BMP7: variants seen among roughly 807,000 people sequenced by gnomAD.
BMP7 encodes osteogenic protein 1.
A neutral mutation model predicts 41.2 loss-of-function variants in BMP7; 12 were observed. That is an observed-to-expected ratio of 0.29 (90% confidence interval 0.19 to 0.47). The LOEUF (loss-of-function observed/expected upper bound fraction) is 0.47. Among genes scored for constraint, BMP7 ranks in the 20% least tolerant of loss-of-function variants. The probability of loss-of-function intolerance (pLI) is 0.99; values close to 1 mark genes in which losing one functional copy is unlikely to be tolerated. For synonymous variants in BMP7, 248 were observed against 250.0 expected, an observed-to-expected ratio of 0.99 and a Z score of 0.07; for missense variants, 467 against 606.0, an observed-to-expected ratio of 0.77 and a Z score of 2.41.
intron 2 of BMP7, among the ~76,000 whole-genome samples, chr20:57,223,646 T>C (rs1985242978): frequency 6.6e-6 from 1 of 152,102 alleles, no homozygotes; most frequent in Non-Finnish European, 1.5e-5. Context: ...ACCTGTAAAA[T>C]GGGGATGATA....
chr20:57,187,199 G>A (rs995519388), intron 3 of BMP7: 2 of 152,180 alleles, frequency 1.3e-5, no homozygotes, highest in African/African-American at 4.8e-5. Context: ...GAGTCTCAAG[G>A]GTGTTTAAAC....
Position 57,266,162 on chromosome 20 carries a change from GC to G in BMP7, c.-41del. On this transcript the variant is annotated 5_prime_UTR_variant, in exon 1 of 7. Coordinates refer to ENST00000395863, the MANE Select transcript of BMP7 (RefSeq NM_001719.3). ...GCGCTACCCGGGCTCCGGGCTCCGG[GC>G]CCGCACCGCCCCAGGTGGCAGAGGG... 1 of 1,470,744 alleles carries G rather than the reference GC, an allele frequency of 6.8e-7. No homozygotes were observed. The highest frequency in any genetic ancestry group is 8.9e-7 in the Non-Finnish European group (1 of 1,118,582). 91.1% of individuals were successfully genotyped at this position (1,470,744 alleles called of 1,614,324 possible).
At chr20:57,205,318 T>A (rs888347444) in intron 2 of BMP7, among the ~76,000 whole-genome samples, 1 of 152,210 alleles carries the variant, frequency 6.6e-6, no homozygotes, top group African/African-American at 2.4e-5. Flanking sequence ...TCATGACTCA[T>A]TTACTTCTTC....
intron 4 of BMP7, among the ~76,000 whole-genome samples, chr20:57,178,679 C>T (rs984874649): frequency 1.3e-5 from 2 of 152,122 alleles, no homozygotes; most frequent in African/African-American, 2.4e-5. Flanking sequence ...TGCCCCTCCA[C>T]GAGCCTCCTC....
rs1239503431 is a variant in BMP7, at chr20:57,266,588, C to G, written c.-466G>C. ...GATAGCAGGGGCCCCGGGGCGCTCT[C>G]CCAGCCTTGTGCGCCCTGGATCGCA... is the stretch of plus-strand genomic sequence containing the variant. On this transcript the variant is annotated 5_prime_UTR_variant, in exon 1 of 7. Coordinates refer to ENST00000395863, the MANE Select transcript of BMP7 (RefSeq NM_001719.3). 1 of 152,756 alleles carries G rather than the reference C, an allele frequency of 6.5e-6. No individual in the cohort carries two copies. Among genetic ancestry groups the G allele is most frequent in the African/African-American group, 2.4e-5 (1 of 41,490 alleles). 9.5% of individuals were successfully genotyped at this position (152,756 alleles called of 1,614,324 possible).
At chr20:57,236,338 G>A (rs977397833) in intron 1 of BMP7, among the ~76,000 whole-genome samples, 2 of 152,232 alleles carry the variant, frequency 1.3e-5, no homozygotes, top group South Asian at 4.1e-4. Context: ...CGCTCAGGAG[G>A]TGAAGTGGTA....
intron 2 of BMP7, among the ~76,000 whole-genome samples, chr20:57,204,274 T>A (rs998732273): frequency 3.3e-5 from 5 of 152,106 alleles, no homozygotes. Flanking sequence ...AGCCCCCAGC[T>A]CTCCGTACTA....
chr20:57,195,372 G>C (rs1463081612), intron 3 of BMP7, among the ~76,000 whole-genome samples: 1 of 152,188 alleles, frequency 6.6e-6, no homozygotes, highest in Non-Finnish European at 1.5e-5. Flanking sequence ...TTCTCTGGGT[G>C]GACCAAGGCC....
At chr20:57,231,375 C>A (rs1310574132) in intron 1 of BMP7, among the ~76,000 whole-genome samples, 2 of 152,220 alleles carry the variant, frequency 1.3e-5, no homozygotes, top group Non-Finnish European at 2.9e-5. Flanking sequence ...CATCACAGGA[C>A]ACGTGTTTCA....
chr20:57,181,786 C>T (rs913025961), intron 4 of BMP7, among the ~76,000 whole-genome samples: 1 of 152,168 alleles, frequency 6.6e-6, no homozygotes, highest in Admixed American at 6.5e-5. Context: ...GCTTACATGG[C>T]TCCAACCACA....
At chr20:57,265,680 C>G (rs768202871) in intron 1 of BMP7, 25 bp downstream of exon 1, 3 of 1,584,662 alleles carry the variant, frequency 1.9e-6, no homozygotes, top group East Asian at 2.3e-5. Flanking sequence ...AAAGGAGACG[C>G]GTACCCTCGC....
At chr20:57,191,863 C>T (rs1219621745) in intron 3 of BMP7, among the ~76,000 whole-genome samples, 3 of 131,188 alleles carry the variant, frequency 2.3e-5, no homozygotes, top group East Asian at 2.2e-4. Flanking sequence ...ATAAAATATA[C>T]ATATACTATA....
intron 1 of BMP7, among the ~76,000 whole-genome samples, chr20:57,257,044 T>C (rs1218107924): frequency 6.6e-6 from 1 of 152,232 alleles, no homozygotes; most frequent in East Asian, 1.9e-4. Flanking sequence ...TCTTTCCTTC[T>C]GGCACCTTAT....
intron 2 of BMP7, among the ~76,000 whole-genome samples, chr20:57,222,634 G>A (rs1985214399): frequency 6.6e-6 from 1 of 152,080 alleles, no homozygotes; most frequent in Non-Finnish European, 1.5e-5. Context: ...TGACCTTCCA[G>A]GACATCCTGG....
intron 3 of BMP7, among the ~76,000 whole-genome samples, chr20:57,200,211 C>A (rs1984589597): frequency 6.6e-6 from 1 of 152,234 alleles, no homozygotes; most frequent in Admixed American, 6.5e-5. Flanking sequence ...TAATCCCTCA[C>A]AACCGCCCTT....
rs1332140394 is a variant in BMP7 at position 57,213,667 on chromosome 20, CAG to C, written c.612-11046_612-11045del. 2.6e-5 allele frequency among the ~76,000 whole-genome samples: 4 copies of C among 152,168 alleles called. No individual in the cohort carries two copies. Among genetic ancestry groups the C allele is most frequent in the Non-Finnish European group, 5.9e-5 (4 of 68,026 alleles). On this transcript the variant is annotated intron_variant, in intron 2 of 6. Coordinates refer to ENST00000395863, the MANE Select transcript of BMP7 (RefSeq NM_001719.3). The surrounding 1 kb of genome is among the most constrained non-coding windows in gnomAD (Gnocchi z 4.4). ...AGACACAGCCACCAGCAGAGACAATCAGGGGGTGAGAGGCCCGGAATCCTCTT... is the reference window on the plus strand; with the variant it reads ...AGACACAGCCACCAGCAGAGACAATCGGGGTGAGAGGCCCGGAATCCTCTT...
chr20:57,219,621 G>A (rs75289655), intron 2 of BMP7, among the ~76,000 whole-genome samples: 3,817 of 152,208 alleles, frequency 0.025, 58 homozygotes, highest in Non-Finnish European at 0.027. Flanking sequence ...TCACTACTGC[G>A]GAGGCTCGGA....
chr20:57,227,616 C>T (rs1353112713), intron 2 of BMP7, among the ~76,000 whole-genome samples: 2 of 152,182 alleles, frequency 1.3e-5, no homozygotes, highest in Non-Finnish European at 2.9e-5. Context: ...GTAATAGGAC[C>T]TTGGTCATTT....
At chr20:57,263,526 C>T (rs980633574) in intron 1 of BMP7, among the ~76,000 whole-genome samples, 2 of 152,152 alleles carry the variant, frequency 1.3e-5, no homozygotes, top group African/African-American at 2.4e-5. Context: ...GCACTGGGGG[C>T]TTTTTTGCTC....
Sources: allele counts gnomAD v4.1 joint callset (sites outside exome capture counted in the v4.1 genomes callset), GRCh38; gene constraint gnomAD v4.1.1; non-coding constraint Gnocchi (gnomAD v3.1); transcripts MANE v1.5; gene names NCBI Gene and HGNC (gene_info 2026-07-23, HGNC 2026-07-21).